Variants in MAP4K3 observed in about 807,000 individuals in gnomAD.
MAP4K3 encodes mitogen-activated protein kinase kinase kinase kinase 3.
Under a neutral mutation model 143.5 loss-of-function variants are expected in MAP4K3, and 94 were observed. The observed-to-expected ratio is 0.65, with a 90% CI of 0.55 to 0.78. The LOEUF (loss-of-function observed/expected upper bound fraction) is 0.78, where lower values mean the gene tolerates loss of function less well. MAP4K3 is among the 30% of genes least tolerant of loss of function. The pLI is 0.00. For missense variants in MAP4K3, 1,077 were observed against 1,068.1 expected (o/e 1.01, Z -0.12); for synonymous variants, 416 against 347.2 (o/e 1.20, Z -2.20).
intron 2 of MAP4K3, among the ~76,000 whole-genome samples, chr2:39,363,373 A>G (rs1665823252): frequency 6.6e-6 from 1 of 151,412 alleles, no homozygotes; most frequent in African/African-American, 2.5e-5. Flanking sequence ...ACTGGATTCA[A>G]AAACGAGCAA....
At chr2:39,371,913 T>C (rs904695072) in intron 2 of MAP4K3, among the ~76,000 whole-genome samples, 1 of 150,058 alleles carries the variant, frequency 6.7e-6, no homozygotes, top group African/African-American at 2.4e-5. Context: ...ATATATTACA[T>C]ATATTTATAT....
At chr2:39,337,943 T>C in intron 4 of MAP4K3, among the ~76,000 whole-genome samples, 1 of 151,850 alleles carries the variant, frequency 6.6e-6, no homozygotes, top group South Asian at 2.1e-4. Context: ...TTTCATTTTT[T>C]GCAGAGATGG....
intron 31 of MAP4K3, among the ~76,000 whole-genome samples, chr2:39,254,940 C>T (rs916350476): frequency 3.9e-5 from 6 of 152,070 alleles, no homozygotes; most frequent in Admixed American, 6.5e-5. Context: ...CAAAAATATA[C>T]GTGTATCCAC....
chr2:39,392,010 A>G (rs1428406693), intron 1 of MAP4K3, among the ~76,000 whole-genome samples: 4 of 151,790 alleles, frequency 2.6e-5, no homozygotes, highest in Admixed American at 2.6e-4. Flanking sequence ...GTGAAACTCC[A>G]TCTCTACTAA....
chr2:39,397,478 TTGAA>T (rs905634170), intron 1 of MAP4K3, among the ~76,000 whole-genome samples: 2 of 152,160 alleles, frequency 1.3e-5, no homozygotes, highest in African/African-American at 4.8e-5. Context: ...GAAAGTAGAA[TTGAA>T]TGAAGAGAAA....
intron 24 of MAP4K3, among the ~76,000 whole-genome samples, chr2:39,275,424 G>A (rs1681207905): frequency 1.3e-5 from 2 of 152,210 alleles, no homozygotes; most frequent in South Asian, 4.1e-4. Flanking sequence ...CAAGGCTGCA[G>A]TGAGCTGTGT....
At chr2:39,325,481 C>T in intron 12 of MAP4K3, 37 bp downstream of exon 12, 1 of 1,337,316 alleles carries the variant, frequency 7.5e-7, no homozygotes, top group Non-Finnish European at 1.1e-6. Context: ...TACACATATA[C>T]ATGTTATATA....
intron 22 of MAP4K3, 116 bp from the exon 23 acceptor site, chr2:39,280,472 T>C (rs952915643): frequency 4.4e-6 from 2 of 456,244 alleles, no homozygotes; most frequent in Admixed American, 8.1e-5. Flanking sequence ...ACTGAAATTA[T>C]GATCATCTTC....
chr2:39,334,704 C>A (rs57306489), intron 6 of MAP4K3, among the ~76,000 whole-genome samples: 502 of 152,286 alleles, frequency 3.3e-3, no homozygotes, highest in African/African-American at 0.012. Flanking sequence ...GCCTTTCTCT[C>A]CTCCCTCCTT....
intron 22 of MAP4K3, among the ~76,000 whole-genome samples, 173 bp from the exon 23 acceptor site, chr2:39,280,529 A>G (rs1171847094): frequency 6.6e-6 from 1 of 152,124 alleles, no homozygotes; most frequent in Non-Finnish European, 1.5e-5. Flanking sequence ...CATTTGCCTA[A>G]CAGTGGTACC....
At chr2:39,302,668 T>C (rs534565578) in intron 15 of MAP4K3, among the ~76,000 whole-genome samples, 1 of 152,328 alleles carries the variant, frequency 6.6e-6, no homozygotes, top group South Asian at 2.1e-4. Flanking sequence ...GGCCATTCTT[T>C]ACAAGCTAAA....
At chr2:39,353,737 A>C (rs1184961161) in intron 3 of MAP4K3, among the ~76,000 whole-genome samples, 2 of 135,682 alleles carry the variant, frequency 1.5e-5, no homozygotes, top group Non-Finnish European at 3.3e-5. Flanking sequence ...TAGTAGTAGT[A>C]GCAGCAGCAG....
chr2:39,361,303 C>T (rs1476161414), intron 2 of MAP4K3, among the ~76,000 whole-genome samples: 2 of 151,748 alleles, frequency 1.3e-5, no homozygotes, highest in Non-Finnish European at 2.9e-5. Flanking sequence ...AATTCTATGC[C>T]CCCTTACTCT....
rs774855167 is a variant in MAP4K3, at chr2:39,437,280, G to C, written c.-293C>G. 8.8e-6 allele frequency: 2 copies of C among 226,272 alleles called. No homozygotes were observed. The highest frequency in any genetic ancestry group is 9.2e-5 in the East Asian group (1 of 10,852). 14.0% of individuals were successfully genotyped at this position (226,272 alleles called of 1,614,324 possible). A position where few individuals can be genotyped will look rare whatever the true frequency, so the allele number is the denominator to read the frequency against. On this transcript the variant is annotated 5_prime_UTR_variant, in exon 1 of 34. Coordinates refer to ENST00000263881, the MANE Select transcript of MAP4K3 (RefSeq NM_003618.4). ...TCGCTCGGGGTGAAACTCCAACATG[G>C]CTTCCGCTTTCGCCGCTCCTCCCCC...
intron 13 of MAP4K3, among the ~76,000 whole-genome samples, chr2:39,310,932 A>G (rs912748721): frequency 5.9e-5 from 9 of 152,200 alleles, no homozygotes; most frequent in Admixed American, 2.0e-4. Flanking sequence ...AAAGCCCAAT[A>G]AAGTCTTAAC....
intron 1 of MAP4K3, among the ~76,000 whole-genome samples, chr2:39,432,244 C>T (rs1334171913): frequency 6.6e-6 from 1 of 152,150 alleles, no homozygotes. Context: ...GCATTAGATA[C>T]GTTTCACCAA....
chr2:39,433,646 C>T (rs977001576), intron 1 of MAP4K3, among the ~76,000 whole-genome samples: 13 of 152,068 alleles, frequency 8.5e-5, no homozygotes, highest in Non-Finnish European at 1.5e-5. Flanking sequence ...AACACAAATA[C>T]ATACAACATT....
chr2:39,417,415 T>A (rs1305423075), intron 1 of MAP4K3, among the ~76,000 whole-genome samples: 5 of 152,052 alleles, frequency 3.3e-5, no homozygotes, highest in Non-Finnish European at 5.9e-5. Flanking sequence ...GAGACGTGGT[T>A]TCACCGTGTT....
chr2:39,334,413 A>G (rs1323537227), intron 6 of MAP4K3, among the ~76,000 whole-genome samples: 1 of 149,210 alleles, frequency 6.7e-6, no homozygotes, highest in Non-Finnish European at 1.5e-5. Context: ...AAAAAACAGT[A>G]AAAGACTGGC....
Sources: gnomAD v4.1 joint callset for allele counts (sites outside exome capture counted in the v4.1 genomes callset) on GRCh38, gnomAD v4.1.1 for gene constraint, MANE v1.5 for transcripts, NCBI Gene and HGNC (gene_info 2026-07-23, HGNC 2026-07-21) for gene names.